The following SIN3B variants were observed in gnomAD, a reference collection of about 807,000 sequenced individuals.
The protein encoded by SIN3B is paired amphipathic helix protein Sin3b.
A neutral mutation model predicts 120.2 loss-of-function variants in SIN3B; 19 were observed. The ratio of observed to expected loss-of-function variants is 0.16; its 90% CI spans 0.11 to 0.23. SIN3B has a LOEUF of 0.23. SIN3B is among the 10% of genes least tolerant of loss of function. The probability of loss-of-function intolerance (pLI) is 1.00; values close to 1 mark genes in which losing one functional copy is unlikely to be tolerated. For missense variants in SIN3B, 1,073 were observed against 1,573.0 expected, an observed-to-expected ratio of 0.68 and a Z score of 5.38; for synonymous variants, 654 against 653.2, an observed-to-expected ratio of 1.00 and a Z score of -0.02.
chr19:16,854,090 C>G, intron 7 of SIN3B, 53 bp from the exon 8 acceptor site: 1 of 1,410,854 alleles, frequency 7.1e-7, no homozygotes, highest in Non-Finnish European at 9.9e-7. Context: ...TGAGCCAGGC[C>G]CAGAGGCTGA....
intron 3 of SIN3B, among the ~76,000 whole-genome samples, chr19:16,835,972 G>A (rs1012083986): frequency 1.3e-5 from 2 of 152,090 alleles, no homozygotes; most frequent in African/African-American, 4.8e-5. Flanking sequence ...TTTCTAGTTT[G>A]ACTGTTTTGA....
chr19:16,874,059 C>T (rs976751859), intron 14 of SIN3B, among the ~76,000 whole-genome samples: 6 of 152,204 alleles, frequency 3.9e-5, no homozygotes, highest in Admixed American at 3.9e-4. Flanking sequence ...GCGGGTGATT[C>T]ACACAGCCCT....
intron 3 of SIN3B, among the ~76,000 whole-genome samples, chr19:16,833,170 T>A (rs1599586175): frequency 6.6e-6 from 1 of 152,138 alleles, no homozygotes; most frequent in Non-Finnish European, 1.5e-5. Flanking sequence ...TAGCAGGGAG[T>A]GTCAGAATCT....
chr19:16,838,990 T>TTGG (rs1971383342), intron 3 of SIN3B, among the ~76,000 whole-genome samples: 1 of 146,982 alleles, frequency 6.8e-6, no homozygotes. Flanking sequence ...TTTTTTTTTT[T>TTGG]GAGATGGGGT....
rs914922599 is a variant in SIN3B at position 16,863,175 on chromosome 19, T to C, written c.1267-505T>C. 6 of 552,196 alleles carry C rather than the reference T, an allele frequency of 1.1e-5. No individual in the cohort carries two copies. The Admixed American group carries it at 1.8e-4, about 16-fold the overall frequency. The allele number at this position is 552,196 out of a possible 1,614,324, so 34.2% of individuals were successfully genotyped here. On this transcript the variant is annotated intron_variant, in intron 9 of 18. Coordinates refer to ENST00000248054, the MANE Select transcript of SIN3B (RefSeq NM_001297595.2). ...GCTGTCTGACCCTTTGCAGAGAGAA[T>C]TTACCAATGTCTGAAATGAAATCGG...
At chr19:16,854,320 A>G in intron 8 of SIN3B, 59 bp downstream of exon 8, 1 of 1,096,282 alleles carries the variant, frequency 9.1e-7, no homozygotes, top group South Asian at 1.4e-5. Flanking sequence ...AACTCCATCT[A>G]CTTGGTTTTT....
intron 14 of SIN3B, 84 bp downstream of exon 14, chr19:16,871,482 C>G: frequency 1.5e-6 from 2 of 1,329,664 alleles, no homozygotes; most frequent in Middle Eastern, 5.4e-4. Flanking sequence ...GGAGGGGGCC[C>G]GTGGTCAGCA....
At chr19:16,842,991 G>T (rs1475451404) in intron 4 of SIN3B, among the ~76,000 whole-genome samples, 3 of 152,250 alleles carry the variant, frequency 2.0e-5, no homozygotes, top group Non-Finnish European at 4.4e-5. Flanking sequence ...GGGCAATGCA[G>T]GTGGGCTGGT....
At chr19:16,874,228 C>G (rs1300138781) in intron 14 of SIN3B, among the ~76,000 whole-genome samples, 1 of 152,246 alleles carries the variant, frequency 6.6e-6, no homozygotes, top group Non-Finnish European at 1.5e-5. Context: ...ACATATTTTT[C>G]CGTGTCTTTT....
chr19:16,857,553 G>GTGTGTGTGTATATATA (rs66778532), intron 8 of SIN3B, among the ~76,000 whole-genome samples: 1 of 139,446 alleles, frequency 7.2e-6, no homozygotes, highest in African/African-American at 2.7e-5. Flanking sequence ...GTGTGTGTGT[G>GTGTGTGTGTATATATA]TATATATACA....
chr19:16,841,619 C>A, intron 3 of SIN3B, 149 bp from the exon 4 acceptor site: 1 of 705,666 alleles, frequency 1.4e-6, no homozygotes, highest in Non-Finnish European at 2.4e-6. Context: ...TGCCTCCAGG[C>A]TCTCAGAAGT....
At chr19:16,839,673 C>T (rs1323963062) in intron 3 of SIN3B, among the ~76,000 whole-genome samples, 4 of 152,234 alleles carry the variant, frequency 2.6e-5, no homozygotes, top group Non-Finnish European at 5.9e-5. Flanking sequence ...GACGCAGCCC[C>T]CTGTGAGCCT....
chr19:16,870,122 T>C (rs760009854), intron 13 of SIN3B, 47 bp downstream of exon 13: 1 of 1,496,528 alleles, frequency 6.7e-7, no homozygotes, highest in Admixed American at 2.2e-5. Flanking sequence ...TGCCTGGGGT[T>C]AGGGGTCACA....
intron 12 of SIN3B, among the ~76,000 whole-genome samples, chr19:16,869,123 G>A (rs907747591): frequency 6.6e-6 from 1 of 152,134 alleles, no homozygotes; most frequent in Non-Finnish European, 1.5e-5. Context: ...CCTGGAGCTG[G>A]GCTGAGCGAC....
rs1971695881 is a variant in SIN3B, at chr19:16,862,006, C to T, written c.1059-346C>T. Among the ~76,000 whole-genome samples, 1 of 152,206 alleles carries T rather than the reference C, an allele frequency of 6.6e-6. No homozygotes were observed. The highest frequency in any genetic ancestry group is 1.5e-5 in the Non-Finnish European group (1 of 68,042). On this transcript the variant is annotated intron_variant, in intron 8 of 18. Transcript: ENST00000248054. This position sits in a 1 kb window ranked among gnomAD's most constrained non-coding sequence, Gnocchi z 4.7. ...TGGCTGTGGCTTGCCACTCCCTGGC[C>T]TGAAGCCTGGCCTCTTCCAGTCAGG... is the stretch of plus-strand genomic sequence containing the variant.
intron 14 of SIN3B, among the ~76,000 whole-genome samples, chr19:16,874,325 T>C (rs1454269921): frequency 2.6e-5 from 4 of 151,974 alleles, no homozygotes; most frequent in African/African-American, 4.8e-5. Flanking sequence ...TTTGGTCTGG[T>C]CTGGTCTGGT....
Position 16,876,872 on chromosome 19 carries a change from G to A in SIN3B, c.2859+294G>A. On this transcript the variant is annotated intron_variant, in intron 16 of 18. Transcript: ENST00000248054. This position sits in a 1 kb window ranked among gnomAD's most constrained non-coding sequence, Gnocchi z 7.1. ...TCCCTGGCCCCCGACTCCCACTCAG[G>A]GCATCCCGTGGCTGTGACCTCTGCA... 2.7e-6 allele frequency: 1 copy of A among 365,386 alleles called. No homozygotes were observed. The highest frequency in any genetic ancestry group is 5.0e-6 in the Non-Finnish European group (1 of 198,556). 22.6% of individuals were successfully genotyped at this position (365,386 alleles called of 1,614,324 possible). A position where few individuals can be genotyped will look rare whatever the true frequency, so the allele number is the denominator to read the frequency against.
Position 16,854,161 on chromosome 19 carries a change from A to T in SIN3B, c.958A>T (p.Ser320Cys). The part of the protein sequence containing the change: ...FFDKVRRVLK[S>C]QEVYENFLRC... Reference sequence around the variant, plus strand: ...TCTGCAGGTCCGCCGGGTGCTGAAGAGCCAGGAGGTGTATGAAAACTTCCT... The same window carrying T: ...TCTGCAGGTCCGCCGGGTGCTGAAGTGCCAGGAGGTGTATGAAAACTTCCT... Residue 320 changes from serine to cysteine, a missense_variant, in exon 8 of 19, where the codon AGC (serine) becomes TGC (cysteine). This residue lies in a region of SIN3B where 395 missense variants were observed against 528.0 expected (regional missense o/e 0.75). Coordinates refer to ENST00000248054, the MANE Select transcript of SIN3B (RefSeq NM_001297595.2). The T allele has an allele frequency of 3.1e-6, 5 of 1,611,956 alleles. No homozygotes were observed. The highest frequency in any genetic ancestry group is 4.2e-6 in the Non-Finnish European group (5 of 1,179,784).
At position 16,830,832 on chromosome 19, in the gene SIN3B, GA is replaced by G. The variant is rs142474364; in HGVS notation, c.228-661del. ...TAGTCATCTCTATCTGATACAAAAT[GA>G]GGGAAGTTTTCACATTGCTTAGAGG... On this transcript the variant is annotated intron_variant, in intron 2 of 18. Coordinates refer to ENST00000248054, the MANE Select transcript of SIN3B (RefSeq NM_001297595.2). Among the ~76,000 whole-genome samples the G allele has an allele frequency of 4.1e-3, 625 of 152,362 alleles. 3 individuals carry two copies. Among genetic ancestry groups the G allele is most frequent in the African/African-American group, 0.014 (562 of 41,598 alleles).
Sources: gnomAD v4.1 joint callset for allele counts (sites outside exome capture counted in the v4.1 genomes callset) on GRCh38, gnomAD v4.1.1 for gene constraint, gnomAD v4.1.1 regional missense constraint, Gnocchi (gnomAD v3.1) non-coding constraint, MANE v1.5 for transcripts, NCBI Gene and HGNC (gene_info 2026-07-23, HGNC 2026-07-21) for gene names.